CA10: variants seen among roughly 807,000 people sequenced by gnomAD.
CA10 encodes carbonic anhydrase 10 (inactive), also known as carbonic anhydrase-related protein 10.
Under a neutral mutation model 44.2 loss-of-function variants are expected in CA10, and 14 were observed. The ratio of observed to expected loss-of-function variants is 0.32; its 90% CI spans 0.21 to 0.50. The LOEUF (loss-of-function observed/expected upper bound fraction) is 0.50. Among genes scored for constraint, CA10 ranks in the 20% least tolerant of loss-of-function variants. The pLI is 0.99. For synonymous variants in CA10, 159 were observed against 141.6 expected (o/e 1.12, Z -0.87); for missense variants, 350 against 409.7 (o/e 0.85, Z 1.26).
At chr17:52,081,287 T>C (rs1212339647) in intron 1 of CA10, among the ~76,000 whole-genome samples, 3 of 152,170 alleles carry the variant, frequency 2.0e-5, no homozygotes, top group Non-Finnish European at 4.4e-5. Flanking sequence ...TTCATGAAGA[T>C]CAGCAGTGGT....
chr17:51,871,326 G>C (rs997269322), intron 3 of CA10, among the ~76,000 whole-genome samples: 2 of 150,998 alleles, frequency 1.3e-5, no homozygotes, highest in African/African-American at 4.9e-5. Flanking sequence ...TCGCCTCCCA[G>C]GTTCAAGCGA....
intron 2 of CA10, among the ~76,000 whole-genome samples, chr17:52,068,841 T>C (rs1404003839): frequency 6.6e-6 from 1 of 152,234 alleles, no homozygotes; most frequent in African/African-American, 2.4e-5. Flanking sequence ...TTATCACATA[T>C]GCATGACTAT....
Position 51,654,353 on chromosome 17 carries a change from T to A in CA10, c.466-617A>T, listed in dbSNP as rs117907180. On this transcript the variant is annotated intron_variant, in intron 4 of 8. Transcript: ENST00000451037. ...CCTTTTTCCTGTTACTTAATTTTTT[T>A]AAATTCATTTTTAAAAATCGTGTAT... 3.6e-3 allele frequency among the ~76,000 whole-genome samples: 552 copies of A among 152,332 alleles called. 2 individuals are homozygous for A. The highest frequency in any genetic ancestry group is 6.7e-3 in the Non-Finnish European group (453 of 68,028).
chr17:51,637,321 T>G (rs747602503), intron 6 of CA10, among the ~76,000 whole-genome samples: 2 of 152,204 alleles, frequency 1.3e-5, no homozygotes, highest in African/African-American at 4.8e-5. Context: ...TATCCTCTCA[T>G]CTGAGAGTAG....
rs1912679745 is a variant in CA10, at chr17:51,633,459, T to G, written c.964+17A>C. 1 of 1,607,318 alleles carries G rather than the reference T, an allele frequency of 6.2e-7. No individual in the cohort carries two copies. The stretch of plus-strand genomic sequence containing the variant: ...GCTCTAGCCTAGATCCTCCACTCTC[T>G]GAGCCACCAAACCCACCTCTATACT... On this transcript the variant is annotated intron_variant, in intron 8 of 8. Coordinates refer to ENST00000451037, the MANE Select transcript of CA10 (RefSeq NM_020178.5).
At chr17:51,761,469 T>C (rs1290696876) in intron 3 of CA10, 3 of 152,082 alleles carry the variant, frequency 2.0e-5, no homozygotes, top group Non-Finnish European at 4.4e-5. Context: ...AATCTGAAAA[T>C]CATTTAAAAA....
chr17:51,926,819 T>C (rs1191397033), intron 3 of CA10, among the ~76,000 whole-genome samples: 4 of 152,192 alleles, frequency 2.6e-5, no homozygotes, highest in Admixed American at 2.6e-4. Flanking sequence ...CAAGATACCT[T>C]CTGCTATGTA....
At chr17:52,040,835 T>G (rs998563830) in intron 2 of CA10, among the ~76,000 whole-genome samples, 12 of 152,158 alleles carry the variant, frequency 7.9e-5, no homozygotes, top group Middle Eastern at 3.4e-3. Flanking sequence ...CAGATGGGTC[T>G]TTTGAGTCTT....
chr17:51,874,406 A>C (rs1567869053), intron 3 of CA10, among the ~76,000 whole-genome samples: 3 of 149,324 alleles, frequency 2.0e-5, no homozygotes, highest in South Asian at 2.2e-4. Context: ...AAAAAAAAAA[A>C]CAAAAACTGA....
At chr17:51,793,324 T>C (rs1028690139) in intron 3 of CA10, among the ~76,000 whole-genome samples, 1 of 152,152 alleles carries the variant, frequency 6.6e-6, no homozygotes, top group Non-Finnish European at 1.5e-5. Flanking sequence ...TAATATGTTA[T>C]GGAAACCATG....
At chr17:51,850,681 GC>G (rs1168043094) in intron 3 of CA10, among the ~76,000 whole-genome samples, 1 of 152,290 alleles carries the variant, frequency 6.6e-6, no homozygotes, top group African/African-American at 2.4e-5. Context: ...TGAAATAGAA[GC>G]CTCATGAAAG....
chr17:52,086,565 G>A (rs542151286), intron 1 of CA10, among the ~76,000 whole-genome samples: 1 of 152,352 alleles, frequency 6.6e-6, no homozygotes, highest in South Asian at 2.1e-4. Flanking sequence ...CTAGGGAAAT[G>A]TAGTCCAGCT....
At chr17:51,968,191 T>C (rs530058735) in intron 2 of CA10, among the ~76,000 whole-genome samples, 18 of 151,982 alleles carry the variant, frequency 1.2e-4, no homozygotes, top group South Asian at 4.1e-4. Flanking sequence ...ATAACCCACC[T>C]AGGCCACAGC....
chr17:51,916,038 T>C (rs1981982397), intron 3 of CA10, among the ~76,000 whole-genome samples: 1 of 152,018 alleles, frequency 6.6e-6, no homozygotes, highest in Non-Finnish European at 1.5e-5. Flanking sequence ...AGAATAAAGA[T>C]CACATACTTG....
At chr17:51,738,504 G>T (rs1309146112) in intron 4 of CA10, among the ~76,000 whole-genome samples, 1 of 152,162 alleles carries the variant, frequency 6.6e-6, no homozygotes, top group Non-Finnish European at 1.5e-5. Context: ...GACCAAGGAA[G>T]AACATTTAAG....
At chr17:51,771,678 G>A (rs769819179) in intron 3 of CA10, among the ~76,000 whole-genome samples, 6 of 152,160 alleles carry the variant, frequency 3.9e-5, no homozygotes, top group Non-Finnish European at 8.8e-5. Flanking sequence ...GAAAGTGAAT[G>A]TTAGCCAGCC....
chr17:51,816,548 T>C (rs557468282), intron 3 of CA10, among the ~76,000 whole-genome samples: 1 of 152,290 alleles, frequency 6.6e-6, no homozygotes, highest in Non-Finnish European at 1.5e-5. Flanking sequence ...ATTGAAAGCA[T>C]TTTTTTCATT....
chr17:51,709,227 A>G (rs987893692), intron 4 of CA10, among the ~76,000 whole-genome samples: 7 of 152,262 alleles, frequency 4.6e-5, no homozygotes, highest in African/African-American at 1.7e-4. Flanking sequence ...ACAGAAGTCA[A>G]CAAGATGAAC....
intron 1 of CA10, among the ~76,000 whole-genome samples, chr17:52,154,760 G>T (rs150831805): frequency 6.6e-6 from 1 of 152,272 alleles, no homozygotes; most frequent in Non-Finnish European, 1.5e-5. Flanking sequence ...AGTAGCCAAA[G>T]CTGATGTGAT....
Sources: gnomAD v4.1 joint callset for allele counts (sites outside exome capture counted in the v4.1 genomes callset) on GRCh38, gnomAD v4.1.1 for gene constraint, MANE v1.5 for transcripts, NCBI Gene and HGNC (gene_info 2026-07-23, HGNC 2026-07-21) for gene names.